The following SPATA17 variants were observed in gnomAD, a reference collection of about 807,000 sequenced individuals.
The protein encoded by SPATA17 is spermatogenesis-associated protein 17.
SPATA17 carries 53 observed loss-of-function variants against 62.2 expected under a neutral mutation model. The ratio of observed to expected loss-of-function variants is 0.85; its 90% CI spans 0.68 to 1.07. The LOEUF (loss-of-function observed/expected upper bound fraction) is 1.07, where lower values mean the gene tolerates loss of function less well. Among genes scored for constraint, SPATA17 ranks in the 50% least tolerant of loss-of-function variants. The probability of loss-of-function intolerance (pLI) is 0.00; values close to 1 mark genes in which losing one functional copy is unlikely to be tolerated. For synonymous variants in SPATA17, 146 were observed against 146.8 expected, an observed-to-expected ratio of 0.99 and a Z score of 0.04; for missense variants, 466 against 425.5, an observed-to-expected ratio of 1.10 and a Z score of -0.84.
intron 1 of SPATA17, among the ~76,000 whole-genome samples, chr1:217,632,608 A>T (rs897593862): frequency 1.3e-5 from 2 of 152,126 alleles, no homozygotes; most frequent in Admixed American, 6.5e-5. Flanking sequence ...CCCCTCTTAA[A>T]CTAGTAGCAG....
At chr1:217,742,893 A>G (rs1028203778) in intron 6 of SPATA17, among the ~76,000 whole-genome samples, 3 of 151,896 alleles carry the variant, frequency 2.0e-5, no homozygotes, top group African/African-American at 7.3e-5. Context: ...GTCAAGTCCC[A>G]GTGGTGAAGG....
chr1:217,644,961 C>A (rs1455030379), intron 1 of SPATA17, among the ~76,000 whole-genome samples: 1 of 152,010 alleles, frequency 6.6e-6, no homozygotes, highest in East Asian at 1.9e-4. Context: ...GTGTTACCCA[C>A]ATTTTTCATT....
At chr1:217,769,824 A>G (rs1673393119) in intron 6 of SPATA17, among the ~76,000 whole-genome samples, 1 of 152,216 alleles carries the variant, frequency 6.6e-6, no homozygotes, top group African/African-American at 2.4e-5. Context: ...TGTCTGAAAT[A>G]ACTGCTGTAG....
At chr1:217,696,150 G>A (rs1189034811) in intron 5 of SPATA17, among the ~76,000 whole-genome samples, 9 of 152,224 alleles carry the variant, frequency 5.9e-5, no homozygotes, top group South Asian at 2.1e-4. Flanking sequence ...GCGAGATTCC[G>A]TGGGCGTAGG....
chr1:217,683,573 G>A (rs375074720), intron 5 of SPATA17, among the ~76,000 whole-genome samples: 4 of 152,174 alleles, frequency 2.6e-5, no homozygotes, highest in African/African-American at 9.6e-5. Context: ...CGAGTAGGTG[G>A]GATAACAGGC....
chr1:217,790,634 G>C (rs1673974850), intron 8 of SPATA17, among the ~76,000 whole-genome samples: 1 of 151,574 alleles, frequency 6.6e-6, no homozygotes, highest in Non-Finnish European at 1.5e-5. Flanking sequence ...TAGAGACGGG[G>C]TTTCACCGTG....
intron 3 of SPATA17, among the ~76,000 whole-genome samples, chr1:217,663,061 C>G (rs1670604682): frequency 6.6e-6 from 1 of 152,018 alleles, no homozygotes; most frequent in African/African-American, 2.4e-5. Context: ...ATTTGGTTCA[C>G]CTAATCTTAA....
chr1:217,698,158 G>T (rs139017619), intron 5 of SPATA17, among the ~76,000 whole-genome samples: 1 of 151,962 alleles, frequency 6.6e-6, no homozygotes, highest in African/African-American at 2.4e-5. Context: ...CAAAAATCAG[G>T]CTGGGCACAG....
At chr1:217,781,042 C>T (rs1673716493) in intron 7 of SPATA17, among the ~76,000 whole-genome samples, 1 of 151,952 alleles carries the variant, frequency 6.6e-6, no homozygotes, top group South Asian at 2.1e-4. Flanking sequence ...AATAGAAATC[C>T]ATTAACTACT....
chr1:217,656,844 C>T (rs1670455169), intron 3 of SPATA17, among the ~76,000 whole-genome samples: 2 of 152,168 alleles, frequency 1.3e-5, no homozygotes, highest in Admixed American at 1.3e-4. Flanking sequence ...CAAGGACACA[C>T]TGCTATTGCT....
chr1:217,840,824 A>C (rs921749145), intron 9 of SPATA17, among the ~76,000 whole-genome samples: 11 of 152,144 alleles, frequency 7.2e-5, no homozygotes, highest in African/African-American at 2.2e-4. Context: ...GCATCATTGC[A>C]CTCCAGCCTG....
At chr1:217,833,525 T>G (rs1475517456) in intron 9 of SPATA17, among the ~76,000 whole-genome samples, 1 of 152,192 alleles carries the variant, frequency 6.6e-6, no homozygotes, top group Non-Finnish European at 1.5e-5. Flanking sequence ...ATCACTAGTA[T>G]AAGTCAAGTC....
chr1:217,828,191 C>T (rs1675045981), intron 9 of SPATA17, among the ~76,000 whole-genome samples: 1 of 151,938 alleles, frequency 6.6e-6, no homozygotes, highest in South Asian at 2.1e-4. Context: ...TACAAAACTA[C>T]AATAATCAAA....
At chr1:217,730,936 ACT>A (rs1186205482) in intron 5 of SPATA17, among the ~76,000 whole-genome samples, 1 of 152,112 alleles carries the variant, frequency 6.6e-6, no homozygotes, top group African/African-American at 2.4e-5. Context: ...TTATTATGAA[ACT>A]CTATTGAGAA....
chr1:217,695,929 G>T (rs1671445128), intron 5 of SPATA17, among the ~76,000 whole-genome samples: 2 of 142,222 alleles, frequency 1.4e-5, no homozygotes, highest in Non-Finnish European at 3.1e-5. Context: ...GTCTGCAGAG[G>T]TTACTGCTGT....
intron 5 of SPATA17, among the ~76,000 whole-genome samples, chr1:217,723,781 G>A (rs1672195096): frequency 6.6e-6 from 1 of 152,228 alleles, no homozygotes. Context: ...GCTAAAGCTA[G>A]TAATATGGAA....
intron 6 of SPATA17, among the ~76,000 whole-genome samples, chr1:217,757,615 C>T (rs1213835724): frequency 2.0e-5 from 3 of 152,034 alleles, no homozygotes; most frequent in Admixed American, 2.0e-4. Flanking sequence ...ATATGTACTT[C>T]CCACTAACTA....
intron 3 of SPATA17, among the ~76,000 whole-genome samples, chr1:217,654,463 A>T (rs1214712767): frequency 6.6e-6 from 1 of 152,134 alleles, no homozygotes; most frequent in East Asian, 1.9e-4. Flanking sequence ...TATCATTTAC[A>T]TTCAGGCCAC....
At chr1:217,658,082 C>T (rs1209235067) in intron 3 of SPATA17, among the ~76,000 whole-genome samples, 1 of 152,192 alleles carries the variant, frequency 6.6e-6, no homozygotes, top group African/African-American at 2.4e-5. Flanking sequence ...ACCCTTGACA[C>T]ATGGGGATTA....
Sources: allele counts gnomAD v4.1 joint callset (sites outside exome capture counted in the v4.1 genomes callset), GRCh38; gene constraint gnomAD v4.1.1; transcripts MANE v1.5; gene names NCBI Gene and HGNC (gene_info 2026-07-23, HGNC 2026-07-21).